The following CNTN6 variants were observed in gnomAD, a reference collection of about 807,000 sequenced individuals.
The protein encoded by CNTN6 is contactin 6.
CNTN6 carries 137 observed loss-of-function variants against 122.8 expected under a neutral mutation model. The observed-to-expected ratio is 1.12, with a 90% CI of 0.97 to 1.29. The LOEUF (loss-of-function observed/expected upper bound fraction) is 1.29, where lower values mean the gene tolerates loss of function less well. Among genes scored for constraint, CNTN6 ranks in the 50% most tolerant of loss-of-function variants. CNTN6 has a pLI of 0.00. For synonymous variants in CNTN6, 570 were observed against 426.0 expected, an observed-to-expected ratio of 1.34 and a Z score of -4.16; for missense variants, 1,634 against 1,223.4, an observed-to-expected ratio of 1.34 and a Z score of -5.01.
intron 2 of CNTN6, among the ~76,000 whole-genome samples, chr3:1,180,702 G>T (rs2093538434): frequency 6.6e-6 from 1 of 152,216 alleles, no homozygotes; most frequent in African/African-American, 2.4e-5. Context: ...ATCTTACAGT[G>T]TTCTATTGAT....
chr3:1,238,453 A>G (rs1365665288), intron 4 of CNTN6, among the ~76,000 whole-genome samples: 1 of 152,216 alleles, frequency 6.6e-6, no homozygotes, highest in African/African-American at 2.4e-5. Flanking sequence ...AATTACTACT[A>G]TACCTAAGAA....
At chr3:1,398,341 T>C (rs1174507975) in intron 20 of CNTN6, among the ~76,000 whole-genome samples, 2 of 152,110 alleles carry the variant, frequency 1.3e-5, no homozygotes, top group African/African-American at 4.8e-5. Context: ...TGGAGAAACA[T>C]CCATTGATAA....
intron 2 of CNTN6, among the ~76,000 whole-genome samples, chr3:1,165,896 TC>T (rs1339883050): frequency 6.6e-6 from 1 of 152,158 alleles, no homozygotes; most frequent in Non-Finnish European, 1.5e-5. Flanking sequence ...CAGTGCCTGA[TC>T]CCTCTGAACA....
intron 1 of CNTN6, among the ~76,000 whole-genome samples, chr3:1,121,995 T>C (rs1294910382): frequency 6.6e-6 from 1 of 152,016 alleles, no homozygotes; most frequent in African/African-American, 2.4e-5. Flanking sequence ...GGTGTTCTGA[T>C]CTCTCTAGAC....
intron 4 of CNTN6, among the ~76,000 whole-genome samples, chr3:1,263,848 T>G (rs976887566): frequency 2.0e-5 from 3 of 151,120 alleles, no homozygotes; most frequent in African/African-American, 7.3e-5. Context: ...AAATACAGAG[T>G]GATAGGGAAC....
chr3:1,314,123 TTC>T (rs1699778181), intron 7 of CNTN6, among the ~76,000 whole-genome samples: 2 of 152,100 alleles, frequency 1.3e-5, no homozygotes, highest in Admixed American at 6.6e-5. Flanking sequence ...TAAAAATGTT[TTC>T]TCTTTTTCCG....
At chr3:1,146,127 A>G (rs1354418039) in intron 1 of CNTN6, among the ~76,000 whole-genome samples, 1 of 151,986 alleles carries the variant, frequency 6.6e-6, no homozygotes, top group African/African-American at 2.4e-5. Context: ...CATCTCTTTC[A>G]TTCTCCACGG....
intron 2 of CNTN6, among the ~76,000 whole-genome samples, chr3:1,151,990 G>GA (rs531106967): frequency 6.2e-4 from 94 of 151,912 alleles, no homozygotes; most frequent in African/African-American, 2.0e-3. Context: ...TCTTAAAGTA[G>GA]AAAAAATATG....
At position 1,325,953 on chromosome 3, in the gene CNTN6, T is replaced by C. The variant is rs564740546; in HGVS notation, c.1083+2T>C. ...AATGGTGAACGACTCAACCCAGAGG[T>C]AAGCAACTATGTTGATATTAAAAGT... is the stretch of plus-strand genomic sequence containing the variant. On this transcript the variant is annotated splice_donor_variant, in intron 9 of 22. Transcript: ENST00000446702. LOFTEE classifies it high-confidence loss of function. The C allele has an allele frequency of 1.9e-6, 3 of 1,606,918 alleles. No homozygotes were observed. The highest frequency in any genetic ancestry group is 1.3e-5 in the African/African-American group (1 of 74,386).
intron 1 of CNTN6, among the ~76,000 whole-genome samples, chr3:1,139,037 A>G (rs980620140): frequency 1.3e-5 from 2 of 152,146 alleles, no homozygotes; most frequent in Non-Finnish European, 2.9e-5. Context: ...CCTTTAGCCC[A>G]GGGGTGGGAA....
chr3:1,350,596 T>C (rs1001221956), intron 11 of CNTN6, among the ~76,000 whole-genome samples: 25 of 151,878 alleles, frequency 1.6e-4, no homozygotes, highest in Non-Finnish European at 2.2e-4. Context: ...CTACTGAGCC[T>C]GAAAGGGGTA....
chr3:1,299,762 T>C (rs1696879549), intron 7 of CNTN6, among the ~76,000 whole-genome samples: 1 of 152,206 alleles, frequency 6.6e-6, no homozygotes, highest in African/African-American at 2.4e-5. Flanking sequence ...GGGAGACAGA[T>C]TCAATTCCCA....
intron 4 of CNTN6, among the ~76,000 whole-genome samples, chr3:1,255,362 C>T (rs528838792): frequency 6.7e-6 from 1 of 149,706 alleles, no homozygotes; most frequent in Non-Finnish European, 1.5e-5. Flanking sequence ...TAGACGGAAA[C>T]ACCACGTTTA....
intron 20 of CNTN6, among the ~76,000 whole-genome samples, chr3:1,393,547 TAAAG>T (rs1366095673): frequency 1.7e-3 from 168 of 101,018 alleles, no homozygotes; most frequent in African/African-American, 5.4e-3. Context: ...CCCTAAAACT[TAAAG>T]AAGTAAAAAA....
chr3:1,307,182 C>G (rs1698497617), intron 7 of CNTN6, among the ~76,000 whole-genome samples: 1 of 152,104 alleles, frequency 6.6e-6, no homozygotes, highest in South Asian at 2.1e-4. Context: ...CTCTTTCCTT[C>G]CAGACTTTCA....
chr3:1,298,729 A>G (rs1414683181), intron 7 of CNTN6, among the ~76,000 whole-genome samples: 2 of 152,182 alleles, frequency 1.3e-5, no homozygotes, highest in Non-Finnish European at 2.9e-5. Flanking sequence ...ACCTGGGGAC[A>G]TGGTTAAATT....
chr3:1,093,563 G>A (rs1169673684), intron 1 of CNTN6, among the ~76,000 whole-genome samples: 1 of 151,452 alleles, frequency 6.6e-6, no homozygotes, highest in African/African-American at 2.4e-5. Flanking sequence ...TGAGGGGTGG[G>A]GTTTGCAGTT....
At chr3:1,386,926 T>G (rs1693075436) in intron 20 of CNTN6, among the ~76,000 whole-genome samples, 1 of 152,122 alleles carries the variant, frequency 6.6e-6, no homozygotes, top group South Asian at 2.1e-4. Context: ...ATATTTGTCA[T>G]GTCCAAAAGA....
intron 20 of CNTN6, 83 bp from the exon 21 acceptor site, chr3:1,401,349 TA>T: frequency 9.4e-7 from 1 of 1,066,162 alleles, no homozygotes; most frequent in Non-Finnish European, 1.4e-6. Context: ...ATCGAAGACT[TA>T]TTTTTTCTTT....
Sources: allele counts gnomAD v4.1 joint callset (sites outside exome capture counted in the v4.1 genomes callset), GRCh38; gene constraint gnomAD v4.1.1; transcripts MANE v1.5; gene names NCBI Gene and HGNC (gene_info 2026-07-23, HGNC 2026-07-21).